Variants in GRAMD4 observed in about 807,000 individuals in gnomAD.
GRAMD4 encodes the protein GRAM domain containing 4, also known as GRAM domain-containing protein 4.
A neutral mutation model predicts 83.9 loss-of-function variants in GRAMD4; 25 were observed. That is an observed-to-expected ratio of 0.30 (90% CI 0.22 to 0.42). GRAMD4 has a LOEUF of 0.42. GRAMD4 is among the 10% of genes least tolerant of loss of function. GRAMD4 has a pLI of 1.00. For synonymous variants in GRAMD4, 336 were observed against 320.9 expected (o/e 1.05, Z -0.50); for missense variants, 593 against 788.7 (o/e 0.75, Z 2.97).
At chr22:46,651,535 C>T (rs561273478) in intron 3 of GRAMD4, among the ~76,000 whole-genome samples, 5 of 152,362 alleles carry the variant, frequency 3.3e-5, no homozygotes, top group African/African-American at 9.6e-5. Context: ...CTGGTGCACC[C>T]GGGCAGCCTC....
intron 17 of GRAMD4, 74 bp from the exon 18 acceptor site, chr22:46,676,511 AGTGGAGGAGGATGCC>A: frequency 8.5e-7 from 1 of 1,172,752 alleles, no homozygotes; most frequent in Non-Finnish European, 1.2e-6. Flanking sequence ...CTGTGTGCCC[AGTGGAGGAGGATGCC>A]CTGGGCCTGT....
intron 2 of GRAMD4, among the ~76,000 whole-genome samples, chr22:46,636,349 G>A (rs753802206): frequency 1.2e-4 from 19 of 152,300 alleles, no homozygotes; most frequent in African/African-American, 3.1e-4. Flanking sequence ...TCCGTCCAGC[G>A]GGCGGGACAG....
chr22:46,666,528 C>A (rs2082411295), intron 9 of GRAMD4, among the ~76,000 whole-genome samples: 1 of 150,188 alleles, frequency 6.7e-6, no homozygotes, highest in Non-Finnish European at 1.5e-5. Context: ...TCAGCTTGGA[C>A]ACTTGCTGAT....
At chr22:46,669,685 C>T (rs2082471570) in intron 13 of GRAMD4, among the ~76,000 whole-genome samples, 1 of 151,822 alleles carries the variant, frequency 6.6e-6, no homozygotes, top group Non-Finnish European at 1.5e-5. Flanking sequence ...AAGTGATTCT[C>T]CTGCCTCAGC....
intron 2 of GRAMD4, among the ~76,000 whole-genome samples, chr22:46,635,555 C>T (rs62636905): frequency 0.016 from 677 of 43,124 alleles, no homozygotes; most frequent in Non-Finnish European, 0.025. Flanking sequence ...AGGCCGTGTC[C>T]TCCCTGCCCC....
rs190969643 is a variant in GRAMD4 at position 46,624,274 on chromosome 22, C to T, written c.-49-2477C>T. 4.2e-3 allele frequency among the ~76,000 whole-genome samples: 560 copies of T among 134,828 alleles called. 2 individuals are homozygous for T. Among genetic ancestry groups the T allele is most frequent in the African/African-American group, 0.015 (522 of 35,776 alleles). The allele number at this position is 134,828 out of a possible 152,430, so 88.5% of individuals were successfully genotyped here. ...TTTTTTCAGTCCCTTAATATAGACT[C>T]TTCCATCTTCTTCTCTCTAGGGATT... On this transcript the variant is annotated intron_variant, in intron 1 of 18. Transcript: ENST00000406902.
At chr22:46,667,954 G>A (rs1299286009) in intron 10 of GRAMD4, 142 bp from the exon 11 acceptor site, 2 of 636,732 alleles carry the variant, frequency 3.1e-6, no homozygotes, top group East Asian at 5.5e-5. Context: ...CTGGTGCCAG[G>A]TCCCCAAGGG....
At chr22:46,612,104 A>G (rs2081423536) in intron 1 of GRAMD4, among the ~76,000 whole-genome samples, 1 of 71,772 alleles carries the variant, frequency 1.4e-5, no homozygotes, top group Non-Finnish European at 3.2e-5. Context: ...CCTGGTCTCA[A>G]GCGACTCTCC....
Position 46,620,444 on chromosome 22 carries a change from C to T in GRAMD4, c.-171C>T. ...GCAGACACCACCCTCTCCGTGCCTGCTGGTGTTGGGCGGCTTGGAGGCTAT... is the reference window on the plus strand; with the variant it reads ...GCAGACACCACCCTCTCCGTGCCTGTTGGTGTTGGGCGGCTTGGAGGCTAT... On this transcript the variant is annotated 5_prime_UTR_variant, in exon 1 of 19. Coordinates refer to ENST00000406902, the MANE Select transcript of GRAMD4 (RefSeq NM_015124.5). This position sits in a 1 kb window ranked among gnomAD's most constrained non-coding sequence, Gnocchi z 4.7. 1.0e-6 allele frequency: 1 copy of T among 985,390 alleles called. No homozygotes were observed. Among genetic ancestry groups the T allele is most frequent in the Non-Finnish European group, 1.2e-6 (1 of 829,934 alleles). 61.0% of individuals were successfully genotyped at this position (985,390 alleles called of 1,614,324 possible).
chr22:46,648,935 C>CATGGATGGATGGATGGATGGATGG (rs57053112), intron 3 of GRAMD4, among the ~76,000 whole-genome samples: 1 of 45,530 alleles, frequency 2.2e-5, no homozygotes, highest in Non-Finnish European at 4.4e-5. Context: ...TGGATGGATG[C>CATGGATGGATGGATGGATGGATGG]ATGGATGGAT....
intron 1 of GRAMD4, among the ~76,000 whole-genome samples, chr22:46,607,147 C>T (rs1239363515): frequency 6.6e-6 from 1 of 152,086 alleles, no homozygotes; most frequent in Non-Finnish European, 1.5e-5. Context: ...TCCCATCCCC[C>T]ACCCTGTGAT....
chr22:46,639,194 G>A (rs566879377), intron 3 of GRAMD4, among the ~76,000 whole-genome samples: 114 of 150,980 alleles, frequency 7.6e-4, no homozygotes, highest in African/African-American at 2.7e-3. Context: ...GTACAGTGGT[G>A]GTTAACTCTG....
At chr22:46,595,403 C>T (rs2081252122) in intron 1 of GRAMD4, among the ~76,000 whole-genome samples, 1 of 152,226 alleles carries the variant, frequency 6.6e-6, no homozygotes, top group Non-Finnish European at 1.5e-5. Context: ...CCACAAAGGT[C>T]CCCCACCCAA....
At chr22:46,655,956 G>A (rs1248310933) in intron 3 of GRAMD4, among the ~76,000 whole-genome samples, 2 of 152,116 alleles carry the variant, frequency 1.3e-5, no homozygotes, top group South Asian at 2.1e-4. Flanking sequence ...AGGGCCAGAC[G>A]CTTCTCCCCA....
At chr22:46,682,469 G>A (rs528992415), downstream of GRAMD4, 46 of 982,134 alleles carry the variant, frequency 4.7e-5, no homozygotes, top group East Asian at 3.9e-3. Flanking sequence ...AGGGGAGGCC[G>A]TGAAGAAGCT....
Position 46,622,890 on chromosome 22 carries a change from C to T in GRAMD4, c.-50+2325C>T, listed in dbSNP as rs138487. On this transcript the variant is annotated intron_variant, in intron 1 of 18. Coordinates refer to ENST00000406902, the MANE Select transcript of GRAMD4 (RefSeq NM_015124.5). The surrounding 1 kb of genome is among the most constrained non-coding windows in gnomAD (Gnocchi z 4.0). ...TCACGCCACTGCACTCCAGCCTGGG[C>T]GACAGAGCAAGACTCCATCTCTAAA... Among the ~76,000 whole-genome samples the T allele has an allele frequency of 0.32, 45,012 of 142,264 alleles. 7,506 individuals are homozygous for T. Among genetic ancestry groups the T allele is most frequent in the East Asian group, 0.64 (3,166 of 4,910 alleles). The allele number at this position is 142,264 out of a possible 152,430, so 93.3% of individuals were successfully genotyped here.
In GRAMD4 at chr22:46,676,515, G is replaced by A; in HGVS notation, c.1564-85G>A. ...GGCCCTGCTGCCTGTGTGCCCAGTG[G>A]AGGAGGATGCCCTGGGCCTGTGGAG... On this transcript the variant is annotated intron_variant, in intron 17 of 18. Coordinates refer to ENST00000406902, the MANE Select transcript of GRAMD4 (RefSeq NM_015124.5). The A allele has an allele frequency of 2.4e-6, 3 of 1,224,812 alleles. No homozygotes were observed. The South Asian group carries it at 3.9e-5, about 16-fold the overall frequency. The allele number at this position is 1,224,812 out of a possible 1,614,324, so 75.9% of individuals were successfully genotyped here. A position where few individuals can be genotyped will look rare whatever the true frequency, so the allele number is the denominator to read the frequency against.
At chr22:46,595,997 C>A (rs1743295708) in intron 1 of GRAMD4, among the ~76,000 whole-genome samples, 1 of 152,202 alleles carries the variant, frequency 6.6e-6, no homozygotes, top group African/African-American at 2.4e-5. Context: ...AGCACCCAGA[C>A]CCTGGATGCT....
intron 3 of GRAMD4, among the ~76,000 whole-genome samples, chr22:46,650,496 C>T (rs2082150374): frequency 6.6e-6 from 1 of 152,112 alleles, no homozygotes; most frequent in South Asian, 2.1e-4. Context: ...TAGGCCTGAG[C>T]CGATGCATCT....
Sources: gnomAD v4.1 joint callset for allele counts (sites outside exome capture counted in the v4.1 genomes callset) on GRCh38, gnomAD v4.1.1 for gene constraint, Gnocchi (gnomAD v3.1) non-coding constraint, MANE v1.5 for transcripts, NCBI Gene and HGNC (gene_info 2026-07-23, HGNC 2026-07-21) for gene names.